DPYSL2: variants seen among roughly 807,000 people sequenced by gnomAD.
The protein encoded by DPYSL2 is dihydropyrimidinase-related protein 2.
A neutral mutation model predicts 69.9 loss-of-function variants in DPYSL2; 13 were observed. The ratio of observed to expected loss-of-function variants is 0.19; its 90% CI spans 0.12 to 0.30. The LOEUF (loss-of-function observed/expected upper bound fraction) is 0.30, where lower values mean the gene tolerates loss of function less well. Among genes scored for constraint, DPYSL2 ranks in the 10% least tolerant of loss-of-function variants. The probability of loss-of-function intolerance (pLI) is 1.00; values close to 1 mark genes in which losing one functional copy is unlikely to be tolerated. For synonymous variants in DPYSL2, 326 were observed against 359.1 expected (o/e 0.91, Z 1.04); for missense variants, 587 against 918.9 (o/e 0.64, Z 4.67).
intron 7 of DPYSL2, among the ~76,000 whole-genome samples, chr8:26,633,219 G>A (rs1362513581): frequency 6.6e-6 from 1 of 152,206 alleles, no homozygotes; most frequent in Non-Finnish European, 1.5e-5. Context: ...TGGGGGCAGG[G>A]CATGGAAGAT....
intron 3 of DPYSL2, among the ~76,000 whole-genome samples, chr8:26,612,065 T>C (rs1802241484): frequency 1.3e-5 from 2 of 152,246 alleles, no homozygotes; most frequent in African/African-American, 4.8e-5. Context: ...TTTGTATGGC[T>C]AGTTGATCTG....
intron 1 of DPYSL2, chr8:26,578,419 A>T: frequency 6.4e-7 from 1 of 1,554,520 alleles, no homozygotes; most frequent in South Asian, 1.2e-5. Context: ...TCTGTTGCTA[A>T]CGGAGGCGAT....
At chr8:26,608,468 T>C (rs1008237998) in intron 3 of DPYSL2, among the ~76,000 whole-genome samples, 2 of 152,214 alleles carry the variant, frequency 1.3e-5, no homozygotes, top group African/African-American at 2.4e-5. Context: ...TGGACTGTTA[T>C]CTCTTACCCA....
chr8:26,627,050 T>C lies in DPYSL2; in HGVS notation c.856-165T>C, dbSNP rs1373376622. 6.6e-6 allele frequency among the ~76,000 whole-genome samples: 1 copy of C among 152,214 alleles called. No homozygotes were observed. The highest frequency in any genetic ancestry group is 2.4e-5 in the African/African-American group (1 of 41,466). On this transcript the variant is annotated intron_variant, in intron 5 of 13. Transcript: ENST00000521913. This position sits in a 1 kb window ranked among gnomAD's most constrained non-coding sequence, Gnocchi z 6.9. ...CTGAGGGGTCTTTCTCCATCAAATG[T>C]GGCCAGTAACATTGCCCTCATCATA...
chr8:26,638,426 T>TAATCTAA, intron 8 of DPYSL2, among the ~76,000 whole-genome samples: 1 of 152,312 alleles, frequency 6.6e-6, no homozygotes, highest in African/African-American at 2.4e-5. Context: ...AGCCAAGACC[T>TAATCTAA]GCTGGTCCAG....
chr8:26,656,522 G>GTC lies in DPYSL2; in HGVS notation c.*830_*831dup, dbSNP rs59351949. On this transcript the variant is annotated 3_prime_UTR_variant, in exon 14 of 14. Coordinates refer to ENST00000521913, the MANE Select transcript of DPYSL2 (RefSeq NM_001197293.3). The stretch of plus-strand genomic sequence containing the variant: ...TTAATTCATGAATATTTTCGTGTCT[G>GTC]TCTCTCTCTCTCTCTGTGTTTCCTC... 0.12 allele frequency: 17,555 copies of GTC among 151,006 alleles called. 1,958 individuals are homozygous for GTC. Among genetic ancestry groups the GTC allele is most frequent in the African/African-American group, 0.29 (11,899 of 41,054 alleles). 9.4% of individuals were successfully genotyped at this position (151,006 alleles called of 1,614,324 possible). A position where few individuals can be genotyped will look rare whatever the true frequency, so the allele number is the denominator to read the frequency against.
intron 1 of DPYSL2, among the ~76,000 whole-genome samples, chr8:26,550,227 G>A (rs1248680928): frequency 6.6e-6 from 1 of 152,154 alleles, no homozygotes; most frequent in East Asian, 1.9e-4. Flanking sequence ...TTTGAACATG[G>A]ACTTGTTGTA....
At chr8:26,532,917 C>T (rs187361472) in intron 1 of DPYSL2, among the ~76,000 whole-genome samples, 2 of 152,184 alleles carry the variant, frequency 1.3e-5, no homozygotes, top group Admixed American at 1.3e-4. Flanking sequence ...ATTTGGTATC[C>T]CTAATTTTTT....
At position 26,652,258 on chromosome 8, in the gene DPYSL2, C is replaced by G; in HGVS notation, c.1598C>G (p.Ser533Cys). Residue 533 changes from serine (S) to cysteine (C), a missense_variant and splice_region_variant, in exon 12 of 14, where the codon TCT (serine) becomes TGT (cysteine). Ser to Cys is a moderately radical substitution (Grantham distance 112). Transcript: ENST00000521913. This position sits in a 1 kb window ranked among gnomAD's most constrained non-coding sequence, Gnocchi z 6.3. ...KTISAKTHNS[S>C]LEYNIFEGME... is the part of the protein sequence containing the mutation. ...GAGTTTACTTTGCCTTCTTCTCAGT[C>G]TCTCGAGTACAACATCTTTGAAGGC... 1 of 1,611,426 alleles carries G rather than the reference C, an allele frequency of 6.2e-7. No homozygotes were observed. The highest frequency in any genetic ancestry group is 8.5e-7 in the Non-Finnish European group (1 of 1,178,630).
chr8:26,544,885 A>C (rs929308475), intron 1 of DPYSL2, among the ~76,000 whole-genome samples: 4 of 152,254 alleles, frequency 2.6e-5, no homozygotes, highest in African/African-American at 9.6e-5. Context: ...AATAGACTTT[A>C]GGTCTAAAAC....
chr8:26,567,280 C>CCCATTCATCCAT (rs1801167036), intron 1 of DPYSL2, among the ~76,000 whole-genome samples: 1 of 149,174 alleles, frequency 6.7e-6, no homozygotes, highest in Admixed American at 6.7e-5. Context: ...TATCCACCTA[C>CCCATTCATCCAT]CCATCCATCC....
At position 26,640,634 on chromosome 8, in the gene DPYSL2, T is replaced by C. The variant is rs541056281; in HGVS notation, c.1127-2805T>C. Reference sequence around the variant, plus strand: ...TGTATAGATCATACTCTTGTGGAGGTAGAGGCCTGGAACATGATGGCTAAA... The same window carrying C: ...TGTATAGATCATACTCTTGTGGAGGCAGAGGCCTGGAACATGATGGCTAAA... On this transcript the variant is annotated intron_variant, in intron 8 of 13. Coordinates refer to ENST00000521913, the MANE Select transcript of DPYSL2 (RefSeq NM_001197293.3). The surrounding 1 kb of genome is among the most constrained non-coding windows in gnomAD (Gnocchi z 4.2). 6.6e-6 allele frequency among the ~76,000 whole-genome samples: 1 copy of C among 152,066 alleles called. No individual in the cohort carries two copies. The highest frequency in any genetic ancestry group is 1.9e-4 in the East Asian group (1 of 5,168).
chr8:26,538,741 G>A (rs1454220862), intron 1 of DPYSL2, among the ~76,000 whole-genome samples: 1 of 152,206 alleles, frequency 6.6e-6, no homozygotes, highest in African/African-American at 2.4e-5. Context: ...TGTGGCTACT[G>A]TGCATGTTCC....
At chr8:26,527,077 T>G (rs1808490664) in intron 1 of DPYSL2, among the ~76,000 whole-genome samples, 1 of 152,212 alleles carries the variant, frequency 6.6e-6, no homozygotes, top group African/African-American at 2.4e-5. Flanking sequence ...AATATTCAGA[T>G]TTTATTAAAT....
Position 26,514,199 on chromosome 8 carries a change from CA to C in DPYSL2, c.-126del. 1.2e-6 allele frequency: 1 copy of C among 824,138 alleles called. No homozygotes were observed. Among genetic ancestry groups the C allele is most frequent in the Non-Finnish European group, 1.7e-6 (1 of 579,888 alleles). 51.1% of individuals were successfully genotyped at this position (824,138 alleles called of 1,614,324 possible). ...TCGCCAGCCCTCCTTCCTTTCTGTG[CA>C]CCTTGCGGTGGGCGGCGAACGGCAG... On this transcript the variant is annotated 5_prime_UTR_variant, in exon 1 of 14. Transcript: ENST00000521913. The surrounding 1 kb of genome is among the most constrained non-coding windows in gnomAD (Gnocchi z 8.4).
At chr8:26,632,700 ATC>A (rs1210048752) in intron 7 of DPYSL2, among the ~76,000 whole-genome samples, 1 of 152,146 alleles carries the variant, frequency 6.6e-6, no homozygotes, top group Non-Finnish European at 1.5e-5. Context: ...AGTCACCTGT[ATC>A]TCTGGGAGGT....
intron 8 of DPYSL2, among the ~76,000 whole-genome samples, chr8:26,639,966 A>G (rs1176771686): frequency 6.6e-6 from 1 of 152,180 alleles, no homozygotes; most frequent in Non-Finnish European, 1.5e-5. Flanking sequence ...CACAGTCCCC[A>G]GGCTGTTTGT....
In DPYSL2 at chr8:26,644,510, T is replaced by A. The variant is rs369659831; in HGVS notation, c.1425+419T>A. 2.0e-5 allele frequency among the ~76,000 whole-genome samples: 3 copies of A among 151,940 alleles called. No homozygotes were observed. Among genetic ancestry groups the A allele is most frequent in the Admixed American group, 6.6e-5 (1 of 15,252 alleles). On this transcript the variant is annotated intron_variant, in intron 10 of 13. Coordinates refer to ENST00000521913, the MANE Select transcript of DPYSL2 (RefSeq NM_001197293.3). This position sits in a 1 kb window ranked among gnomAD's most constrained non-coding sequence, Gnocchi z 4.5. The stretch of plus-strand genomic sequence containing the variant: ...TTTTTTGTGGAGATGGGGGTCTCAC[T>A]ATGTTGCCCAGGCTGGTCTCGAGTT...
intron 1 of DPYSL2, among the ~76,000 whole-genome samples, chr8:26,526,899 TG>T (rs887553682): frequency 1.3e-5 from 2 of 152,216 alleles, no homozygotes; most frequent in African/African-American, 4.8e-5. Flanking sequence ...GGGTGTCCTC[TG>T]GGTTGGGTGA....
Sources: allele counts gnomAD v4.1 joint callset (sites outside exome capture counted in the v4.1 genomes callset), GRCh38; gene constraint gnomAD v4.1.1; non-coding constraint Gnocchi (gnomAD v3.1); transcripts MANE v1.5; gene names NCBI Gene and HGNC (gene_info 2026-07-23, HGNC 2026-07-21).